Variants in RNF175 observed in about 807,000 individuals in gnomAD.
RNF175 encodes the protein ring finger protein 175.
RNF175 carries 38 observed loss-of-function variants against 50.0 expected under a neutral mutation model. The observed-to-expected ratio is 0.76, with a 90% CI of 0.59 to 1.00. The LOEUF is 1.00. Among genes scored for constraint, RNF175 ranks in the 50% least tolerant of loss-of-function variants. The pLI is 0.00. For missense variants in RNF175, 388 were observed against 409.6 expected (o/e 0.95, Z 0.46); for synonymous variants, 155 against 146.1 (o/e 1.06, Z -0.44).
At chr4:153,716,063 CAAAAA>C (rs35531787) in intron 6 of RNF175, among the ~76,000 whole-genome samples, 1 of 94,190 alleles carries the variant, frequency 1.1e-5, no homozygotes, top group South Asian at 3.7e-4. Context: ...GACTCTGTCT[CAAAAA>C]AAAAAAAAAA....
intron 1 of RNF175, among the ~76,000 whole-genome samples, chr4:153,757,635 T>C (rs986287451): frequency 8.5e-5 from 13 of 152,102 alleles, no homozygotes; most frequent in Non-Finnish European, 1.6e-4. Context: ...GTGTATGGCC[T>C]GCCCCCAGGC....
chr4:153,757,356 A>G (rs1293607317), intron 1 of RNF175, among the ~76,000 whole-genome samples: 1 of 152,042 alleles, frequency 6.6e-6, no homozygotes, highest in Non-Finnish European at 1.5e-5. Flanking sequence ...GGAGACTGCC[A>G]CCCCGATTGG....
At chr4:153,755,864 AATG>A in intron 1 of RNF175, among the ~76,000 whole-genome samples, 1 of 152,354 alleles carries the variant, frequency 6.6e-6, no homozygotes, top group Non-Finnish European at 1.5e-5. Flanking sequence ...AGATCTACAA[AATG>A]ATAACACAGA....
At chr4:153,744,045 C>T (rs1237453035) in intron 3 of RNF175, among the ~76,000 whole-genome samples, 1 of 152,170 alleles carries the variant, frequency 6.6e-6, no homozygotes, top group Non-Finnish European at 1.5e-5. Flanking sequence ...GGTGCAGTGA[C>T]ACACACCCTC....
intron 6 of RNF175, among the ~76,000 whole-genome samples, chr4:153,718,959 T>TA (rs911693797): frequency 3.3e-5 from 5 of 152,130 alleles, no homozygotes; most frequent in African/African-American, 7.2e-5. Context: ...TTTCTTTTTT[T>TA]AAAAAAATTA....
At chr4:153,716,834 C>T (rs191792740) in intron 6 of RNF175, among the ~76,000 whole-genome samples, 37 of 152,204 alleles carry the variant, frequency 2.4e-4, no homozygotes, top group Admixed American at 6.5e-4. Flanking sequence ...TTAAGGCCTT[C>T]GACTGATTGG....
intron 1 of RNF175, among the ~76,000 whole-genome samples, chr4:153,758,677 A>T (rs574916575): frequency 2.6e-5 from 4 of 151,720 alleles, no homozygotes; most frequent in Non-Finnish European, 5.9e-5. Context: ...GCCCACCCTT[A>T]TTTTTTGCTA....
chr4:153,736,004 T>C (rs1458513525), intron 3 of RNF175, among the ~76,000 whole-genome samples: 1 of 152,220 alleles, frequency 6.6e-6, no homozygotes, highest in Non-Finnish European at 1.5e-5. Context: ...TCCTGCACAA[T>C]GTTGAATAGG....
intron 1 of RNF175, 36 bp from the exon 2 acceptor site, chr4:153,751,511 T>G: frequency 6.6e-7 from 1 of 1,510,952 alleles, no homozygotes. Flanking sequence ...TCAAAAAATG[T>G]CCTTATTTTC....
intron 3 of RNF175, among the ~76,000 whole-genome samples, chr4:153,746,792 C>T (rs140448401): frequency 2.6e-5 from 4 of 152,338 alleles, no homozygotes; most frequent in African/African-American, 9.6e-5. Context: ...AGCTCTGCCC[C>T]AAGACAAGTT....
intron 3 of RNF175, among the ~76,000 whole-genome samples, chr4:153,738,498 T>C (rs1217162860): frequency 2.6e-5 from 4 of 152,188 alleles, no homozygotes; most frequent in East Asian, 1.9e-4. Context: ...TGCCCTTTCT[T>C]ATCCCTGATA....
intron 3 of RNF175, among the ~76,000 whole-genome samples, chr4:153,730,562 G>A (rs1408228496): frequency 6.6e-6 from 1 of 152,060 alleles, no homozygotes; most frequent in Non-Finnish European, 1.5e-5. Context: ...CATTACTTCT[G>A]GTAGTAAAGA....
chr4:153,718,223 TTTG>T (rs1450168315), intron 6 of RNF175, among the ~76,000 whole-genome samples: 19 of 19,804 alleles, frequency 9.6e-4, no homozygotes, highest in South Asian at 2.2e-3. Context: ...TTTTTGTTTG[TTTG>T]TTTGTTTGTT....
intron 4 of RNF175, among the ~76,000 whole-genome samples, chr4:153,727,884 A>G (rs974909259): frequency 6.6e-6 from 1 of 152,250 alleles, no homozygotes; most frequent in Non-Finnish European, 1.5e-5. Context: ...TTATAGTGGA[A>G]TAAAGAAAAA....
chr4:153,751,766 A>G (rs1740302876), intron 1 of RNF175, among the ~76,000 whole-genome samples: 1 of 152,244 alleles, frequency 6.6e-6, no homozygotes, highest in African/African-American at 2.4e-5. Context: ...TCAAAGTTAC[A>G]GAGAGTGGTC....
chr4:153,740,026 T>A (rs925425686), intron 3 of RNF175, among the ~76,000 whole-genome samples: 4 of 151,984 alleles, frequency 2.6e-5, no homozygotes, highest in African/African-American at 9.6e-5. Flanking sequence ...CCTGTTCTAT[T>A]TTCTTTTCAC....
chr4:153,735,419 T>C (rs1739303805), intron 3 of RNF175, among the ~76,000 whole-genome samples: 1 of 152,232 alleles, frequency 6.6e-6, no homozygotes, highest in African/African-American at 2.4e-5. Flanking sequence ...CCATGCTATA[T>C]TTATTACTGT....
At chr4:153,730,393 G>A (rs933659811) in intron 3 of RNF175, among the ~76,000 whole-genome samples, 1 of 151,956 alleles carries the variant, frequency 6.6e-6, no homozygotes. Context: ...TTGAGATCAT[G>A]ACACTGCACC....
At chr4:153,737,468 C>T (rs1221634437) in intron 3 of RNF175, among the ~76,000 whole-genome samples, 4 of 152,092 alleles carry the variant, frequency 2.6e-5, no homozygotes, top group Admixed American at 6.5e-5. Flanking sequence ...TTCCTCTAAG[C>T]ACTGCTTTTG....
Sources: allele counts gnomAD v4.1 joint callset (sites outside exome capture counted in the v4.1 genomes callset), GRCh38; gene constraint gnomAD v4.1.1; transcripts MANE v1.5; gene names NCBI Gene and HGNC (gene_info 2026-07-23, HGNC 2026-07-21).